SCAPER: variants seen among roughly 807,000 people sequenced by gnomAD.
SCAPER encodes S phase cyclin A-associated protein in the endoplasmic reticulum.
SCAPER carries 98 observed loss-of-function variants against 182.2 expected under a neutral mutation model. The observed-to-expected ratio is 0.54, with a 90% CI of 0.46 to 0.64. The LOEUF (loss-of-function observed/expected upper bound fraction) is 0.64, where lower values mean the gene tolerates loss of function less well. Ranked by LOEUF, SCAPER falls within the 30% of genes least tolerant of loss-of-function variation. SCAPER has a pLI of 0.00. For synonymous variants in SCAPER, 605 were observed against 564.6 expected (o/e 1.07, Z -1.01); for missense variants, 1,432 against 1,690.0 (o/e 0.85, Z 2.68).
intron 23 of SCAPER, among the ~76,000 whole-genome samples, chr15:76,551,994 A>C (rs1295190430): frequency 1.3e-5 from 2 of 148,530 alleles, no homozygotes; most frequent in African/African-American, 2.5e-5. Context: ...TGTAAAGAAC[A>C]GGAGAGGGAA....
chr15:76,453,725 T>C (rs1465622076), intron 25 of SCAPER, among the ~76,000 whole-genome samples: 1 of 152,236 alleles, frequency 6.6e-6, no homozygotes, highest in Non-Finnish European at 1.5e-5. Context: ...AGGAATATAC[T>C]ATACTTTGAA....
At chr15:76,511,055 G>C (rs1358470174) in intron 23 of SCAPER, among the ~76,000 whole-genome samples, 5 of 152,166 alleles carry the variant, frequency 3.3e-5, no homozygotes. Context: ...AAGCTATGAG[G>C]ATGCAAAGGC....
intron 26 of SCAPER, among the ~76,000 whole-genome samples, chr15:76,405,788 T>C (rs1408616524): frequency 6.6e-6 from 1 of 152,198 alleles, no homozygotes; most frequent in African/African-American, 2.4e-5. Flanking sequence ...ATCAACATGT[T>C]AACTTTCAGA....
intron 26 of SCAPER, among the ~76,000 whole-genome samples, chr15:76,423,272 T>C (rs1240912543): frequency 3.3e-5 from 5 of 152,230 alleles, no homozygotes; most frequent in African/African-American, 4.8e-5. Context: ...GTTCGTAGGC[T>C]ATTAATTATT....
At chr15:76,515,202 T>C (rs983602967) in intron 23 of SCAPER, among the ~76,000 whole-genome samples, 1 of 152,114 alleles carries the variant, frequency 6.6e-6, no homozygotes, top group African/African-American at 2.4e-5. Context: ...GTTGGACTCT[T>C]TGGAAGACGC....
At chr15:76,468,680 A>G (rs142468298) in intron 25 of SCAPER, among the ~76,000 whole-genome samples, 2 of 152,296 alleles carry the variant, frequency 1.3e-5, no homozygotes, top group Non-Finnish European at 1.5e-5. Context: ...CTGTGCTCCC[A>G]TAGTACTCTA....
intron 2 of SCAPER, among the ~76,000 whole-genome samples, chr15:76,881,575 T>C (rs1249312835): frequency 1.3e-5 from 2 of 152,186 alleles, no homozygotes; most frequent in African/African-American, 4.8e-5. Context: ...ATCTGACATA[T>C]GCTACAACAT....
intron 4 of SCAPER, among the ~76,000 whole-genome samples, chr15:76,844,871 A>G (rs548308990): frequency 4.0e-4 from 61 of 152,324 alleles, no homozygotes; most frequent in Non-Finnish European, 4.6e-4. Context: ...CTATGAGGCC[A>G]GTATTATTCT....
chr15:76,707,350 T>G (rs867015193), intron 17 of SCAPER, among the ~76,000 whole-genome samples: 1 of 151,300 alleles, frequency 6.6e-6, no homozygotes, highest in Non-Finnish European at 1.5e-5. Context: ...GCAAACCAGA[T>G]AGAAAAGCAA....
intron 20 of SCAPER, among the ~76,000 whole-genome samples, chr15:76,699,787 T>C (rs279993): frequency 0.98 from 148,759 of 152,326 alleles, 72,732 homozygotes; most frequent in South Asian, 1. Flanking sequence ...GGTATCAGGT[T>C]CAAGTGCACA....
chr15:76,632,520 T>C (rs1250479945), intron 21 of SCAPER, among the ~76,000 whole-genome samples: 1 of 152,128 alleles, frequency 6.6e-6, no homozygotes, highest in Non-Finnish European at 1.5e-5. Flanking sequence ...ATCATGATTC[T>C]TAGCTTCTTT....
chr15:76,378,802 C>T (rs988379906), intron 28 of SCAPER, among the ~76,000 whole-genome samples: 3 of 152,166 alleles, frequency 2.0e-5, no homozygotes, highest in Non-Finnish European at 4.4e-5. Flanking sequence ...CACTCAGAAT[C>T]GAGACACCAT....
intron 26 of SCAPER, among the ~76,000 whole-genome samples, chr15:76,411,070 C>T (rs570541482): frequency 6.6e-6 from 1 of 152,250 alleles, no homozygotes; most frequent in Admixed American, 6.5e-5. Context: ...ATAGAACATA[C>T]TCATCATCAC....
At chr15:76,702,081 G>A (rs962327949) in intron 19 of SCAPER, among the ~76,000 whole-genome samples, 6 of 151,898 alleles carry the variant, frequency 4.0e-5, no homozygotes, top group African/African-American at 7.3e-5. Flanking sequence ...GAATATCGCC[G>A]GAACCTGGGA....
intron 23 of SCAPER, among the ~76,000 whole-genome samples, chr15:76,558,362 T>G (rs1253008546): frequency 6.6e-6 from 1 of 152,022 alleles, no homozygotes; most frequent in Admixed American, 6.6e-5. Context: ...AAGGATAACA[T>G]ATATGTGGAC....
intron 17 of SCAPER, among the ~76,000 whole-genome samples, chr15:76,720,689 G>A (rs1174658013): frequency 6.6e-6 from 1 of 152,234 alleles, no homozygotes; most frequent in Non-Finnish European, 1.5e-5. Context: ...GTGATGATGA[G>A]CACTTTTTCA....
At chr15:76,662,184 G>A (rs973221986) in intron 21 of SCAPER, among the ~76,000 whole-genome samples, 9 of 152,100 alleles carry the variant, frequency 5.9e-5, no homozygotes, top group African/African-American at 9.7e-5. Context: ...TCTGTCAGGG[G>A]TCGAGAGGAA....
intron 1 of SCAPER, among the ~76,000 whole-genome samples, chr15:76,900,310 C>A (rs1858496439): frequency 7.0e-6 from 1 of 142,954 alleles, no homozygotes; most frequent in Non-Finnish European, 1.5e-5. Context: ...ATCCCCCTCT[C>A]TGAGAAACAC....
intron 25 of SCAPER, among the ~76,000 whole-genome samples, chr15:76,452,189 C>G (rs2048412233): frequency 6.6e-6 from 1 of 152,204 alleles, no homozygotes; most frequent in South Asian, 2.1e-4. Flanking sequence ...TGTTCTCAGT[C>G]TTTCAAAACA....
Sources: gnomAD v4.1 joint callset for allele counts (sites outside exome capture counted in the v4.1 genomes callset) on GRCh38, gnomAD v4.1.1 for gene constraint, MANE v1.5 for transcripts, NCBI Gene and HGNC (gene_info 2026-07-23, HGNC 2026-07-21) for gene names.